Variants in USP7 observed in about 807,000 individuals in gnomAD.
USP7 encodes ubiquitin C-terminal hydrolase 7.
USP7 carries 9 observed loss-of-function variants against 162.9 expected under a neutral mutation model. That is an observed-to-expected ratio of 0.06 (90% CI 0.03 to 0.10). USP7 has a LOEUF of 0.10. USP7 is among the 10% of genes least tolerant of loss of function. USP7 has a pLI of 1.00. For synonymous variants in USP7, 562 were observed against 475.9 expected (o/e 1.18, Z -2.35); for missense variants, 715 against 1,373.7 (o/e 0.52, Z 7.58).
intron 1 of USP7, among the ~76,000 whole-genome samples, chr16:8,932,830 T>C (rs1208208799): frequency 6.6e-6 from 1 of 151,948 alleles, no homozygotes; most frequent in Non-Finnish European, 1.5e-5. Context: ...CATTTAAAGA[T>C]GAAAAATTTT....
chr16:8,909,829 G>T (rs1442162279), intron 11 of USP7, among the ~76,000 whole-genome samples: 1 of 152,178 alleles, frequency 6.6e-6, no homozygotes, highest in African/African-American at 2.4e-5. Flanking sequence ...GGGAGGCTGA[G>T]GTAGAAGAAT....
Position 8,902,496 on chromosome 16 carries a change from TAA to T in USP7, c.1840-16_1840-15del, listed in dbSNP as rs753877470. 1.1e-5 allele frequency: 17 copies of T among 1,608,334 alleles called. No individual in the cohort carries two copies. The African/African-American group carries it at 1.3e-4, about 13-fold the overall frequency. On this transcript the variant is annotated splice_polypyrimidine_tract_variant and intron_variant, in intron 16 of 30. Coordinates refer to ENST00000344836, the MANE Select transcript of USP7 (RefSeq NM_003470.3). ...TTGTGGAAATCCCTGAAAAAAATAT[TAA>T]GAGTAGATTAAAATAAAAACACGCT... is the stretch of plus-strand genomic sequence containing the variant.
chr16:8,904,571 G>A lies in USP7; in HGVS notation c.1574-6C>T, dbSNP rs2061828478. ...GACCGCCTGTAAAACTTCACCTGCA[G>A]GACAAAGGCATCCTCTTTGACCCCT... On this transcript the variant is annotated splice_polypyrimidine_tract_variant and splice_region_variant and intron_variant, in intron 14 of 30. Coordinates refer to ENST00000344836, the MANE Select transcript of USP7 (RefSeq NM_003470.3). The A allele has an allele frequency of 1.7e-5, 27 of 1,613,592 alleles. No individual in the cohort carries two copies. Among genetic ancestry groups the A allele is most frequent in the Non-Finnish European group, 2.1e-5 (25 of 1,179,960 alleles).
chr16:8,929,132 C>T (rs555109961), intron 2 of USP7, among the ~76,000 whole-genome samples: 1 of 152,236 alleles, frequency 6.6e-6, no homozygotes, highest in Non-Finnish European at 1.5e-5. Flanking sequence ...TAGGGCAGGG[C>T]CTGTCACTGC....
chr16:8,949,013 A>G (rs1899427922), intron 1 of USP7, among the ~76,000 whole-genome samples: 2 of 152,214 alleles, frequency 1.3e-5, no homozygotes, highest in African/African-American at 2.4e-5. Flanking sequence ...GAATAGGCAA[A>G]TCCATAGATT....
intron 1 of USP7, among the ~76,000 whole-genome samples, chr16:8,958,889 T>C (rs896652873): frequency 2.6e-5 from 4 of 152,240 alleles, no homozygotes; most frequent in Non-Finnish European, 4.4e-5. Context: ...AAGAACAGCA[T>C]TGCTTAGGCA....
intron 1 of USP7, among the ~76,000 whole-genome samples, chr16:8,956,620 C>T (rs956255840): frequency 5.9e-5 from 9 of 152,036 alleles, no homozygotes; most frequent in African/African-American, 1.5e-4. Context: ...AAAAATTAGC[C>T]GGGCATGGTA....
chr16:8,901,263 A>T, intron 18 of USP7, 29 bp from the exon 19 acceptor site: 1 of 1,503,934 alleles, frequency 6.6e-7, no homozygotes, highest in Non-Finnish European at 9.3e-7. Context: ...AGTTTTGTTA[A>T]GATCCAAACA....
chr16:8,912,968 C>T (rs998229192), intron 10 of USP7, among the ~76,000 whole-genome samples: 8 of 152,132 alleles, frequency 5.3e-5, no homozygotes, highest in African/African-American at 1.9e-4. Context: ...GCACAAAACC[C>T]AGAGAAAGGA....
chr16:8,926,800 T>G (rs1596386520), intron 2 of USP7, among the ~76,000 whole-genome samples: 1 of 152,230 alleles, frequency 6.6e-6, no homozygotes, highest in African/African-American at 2.4e-5. Flanking sequence ...TTCTTTTTAC[T>G]GTAAATGACA....
intron 1 of USP7, among the ~76,000 whole-genome samples, chr16:8,934,043 ACAC>A (rs1898536503): frequency 6.6e-6 from 1 of 151,998 alleles, no homozygotes. Flanking sequence ...CAGGCGTGAA[ACAC>A]CACGCCTGGC....
intron 1 of USP7, among the ~76,000 whole-genome samples, chr16:8,959,926 C>G (rs1046281140): frequency 6.6e-6 from 1 of 152,204 alleles, no homozygotes; most frequent in African/African-American, 2.4e-5. Flanking sequence ...CTATCCCATT[C>G]GTCTCAGAGC....
intron 2 of USP7, among the ~76,000 whole-genome samples, chr16:8,925,557 A>C (rs1054340196): frequency 6.6e-6 from 1 of 152,222 alleles, no homozygotes; most frequent in Admixed American, 6.5e-5. Flanking sequence ...GTACTCCTTA[A>C]ACATTAAAAA....
At chr16:8,944,749 T>G (rs565695054) in intron 1 of USP7, among the ~76,000 whole-genome samples, 1 of 152,356 alleles carries the variant, frequency 6.6e-6, no homozygotes, top group East Asian at 1.9e-4. Context: ...CAGACTCTCA[T>G]GGAACACCTG....
intron 12 of USP7, 60 bp downstream of exon 12, chr16:8,908,281 A>C (rs2061891814): frequency 7.3e-7 from 1 of 1,367,056 alleles, no homozygotes; most frequent in South Asian, 1.2e-5. Flanking sequence ...AAGCACTGAG[A>C]CTAACCCCCT....
At chr16:8,920,241 A>G in intron 5 of USP7, 118 bp downstream of exon 5, 1 of 842,718 alleles carries the variant, frequency 1.2e-6, no homozygotes, top group Non-Finnish European at 1.9e-6. Context: ...CCACAGGGCA[A>G]GCGCAGAGAG....
At chr16:8,904,406 C>G in intron 15 of USP7, 29 bp downstream of exon 15, 1 of 1,611,032 alleles carries the variant, frequency 6.2e-7, no homozygotes. Flanking sequence ...TGCATGGTGA[C>G]CCGGAGTCCC....
intron 6 of USP7, among the ~76,000 whole-genome samples, chr16:8,917,808 G>A (rs946862322): frequency 7.9e-5 from 12 of 151,680 alleles, no homozygotes; most frequent in African/African-American, 2.7e-4. Flanking sequence ...TTTTGTTTTT[G>A]AGACGGAGTC....
chr16:8,930,973 T>TAA lies in USP7; in HGVS notation c.80-578_80-577dup, dbSNP rs35685543. 4.9e-3 allele frequency among the ~76,000 whole-genome samples: 697 copies of TAA among 143,672 alleles called. 4 individuals carry two copies. The highest frequency in any genetic ancestry group is 0.015 in the African/African-American group (568 of 38,794). The allele number at this position is 143,672 out of a possible 152,430, so 94.3% of individuals were successfully genotyped here. On this transcript the variant is annotated intron_variant, in intron 1 of 30. Coordinates refer to ENST00000344836, the MANE Select transcript of USP7 (RefSeq NM_003470.3). ...GTCAGGGTGAGACTCAGTCTCAAAT[T>TAA]AAAAAAAAAAAAAAAATCCTTAGGT...
Sources: allele counts gnomAD v4.1 joint callset (sites outside exome capture counted in the v4.1 genomes callset), GRCh38; gene constraint gnomAD v4.1.1; transcripts MANE v1.5; gene names NCBI Gene and HGNC (gene_info 2026-07-23, HGNC 2026-07-21).